SYNDIG1: variants seen among roughly 807,000 people sequenced by gnomAD.
The protein encoded by SYNDIG1 is synapse differentiation-inducing gene protein 1.
SYNDIG1 carries 9 observed loss-of-function variants against 19.4 expected under a neutral mutation model. The ratio of observed to expected loss-of-function variants is 0.46; its 90% confidence interval spans 0.28 to 0.81. The LOEUF (loss-of-function observed/expected upper bound fraction) is 0.81, where lower values mean the gene tolerates loss of function less well. Among genes scored for constraint, SYNDIG1 ranks in the 30% least tolerant of loss-of-function variants. The pLI is 0.12. For synonymous variants in SYNDIG1, 141 were observed against 145.9 expected, an observed-to-expected ratio of 0.97 and a Z score of 0.24; for missense variants, 311 against 343.3, an observed-to-expected ratio of 0.91 and a Z score of 0.74.
chr20:24,512,178 T>A (rs969244381), intron 1 of SYNDIG1, among the ~76,000 whole-genome samples: 4 of 136,316 alleles, frequency 2.9e-5, no homozygotes, highest in Non-Finnish European at 6.1e-5. Context: ...GATGGCCGAA[T>A]AGGAACAGCT....
intron 1 of SYNDIG1, among the ~76,000 whole-genome samples, chr20:24,510,732 T>C (rs1003029047): frequency 2.0e-5 from 3 of 152,180 alleles, no homozygotes; most frequent in Non-Finnish European, 4.4e-5. Flanking sequence ...TTCTGAGAAA[T>C]TCTCAGATAT....
intron 1 of SYNDIG1, among the ~76,000 whole-genome samples, chr20:24,488,543 C>T (rs978649402): frequency 6.6e-6 from 1 of 152,250 alleles, no homozygotes; most frequent in Non-Finnish European, 1.5e-5. Context: ...TCTGCAGGCT[C>T]CAGGCACAAA....
intron 2 of SYNDIG1, among the ~76,000 whole-genome samples, chr20:24,560,081 TTTTTTTTTTTG>T (rs1568642055): frequency 1.1e-5 from 1 of 93,474 alleles, no homozygotes; most frequent in African/African-American, 3.8e-5. Flanking sequence ...TTTTTTTTTT[TTTTTTTTTTTG>T]CAGTCTCACT....
chr20:24,570,843 A>T (rs1476093976), intron 2 of SYNDIG1, among the ~76,000 whole-genome samples: 1 of 152,218 alleles, frequency 6.6e-6, no homozygotes, highest in East Asian at 1.9e-4. Context: ...TATGTCTATA[A>T]CATGTATTTC....
chr20:24,510,891 G>A (rs1166378201), intron 1 of SYNDIG1, among the ~76,000 whole-genome samples: 1 of 152,050 alleles, frequency 6.6e-6, no homozygotes, highest in Non-Finnish European at 1.5e-5. Context: ...TCCATATTAT[G>A]CTGAATTCTA....
intron 2 of SYNDIG1, among the ~76,000 whole-genome samples, chr20:24,570,259 T>A (rs1297193407): frequency 6.6e-6 from 1 of 152,182 alleles, no homozygotes; most frequent in African/African-American, 2.4e-5. Flanking sequence ...TTCTTAGCTA[T>A]GACATCAGAA....
intron 1 of SYNDIG1, among the ~76,000 whole-genome samples, chr20:24,518,732 G>T (rs542161514): frequency 1.3e-5 from 2 of 152,176 alleles, no homozygotes; most frequent in Admixed American, 1.3e-4. Flanking sequence ...CACAGAGGAC[G>T]TATCTCCATA....
intron 3 of SYNDIG1, among the ~76,000 whole-genome samples, chr20:24,613,124 C>A (rs2058875456): frequency 6.6e-6 from 1 of 152,178 alleles, no homozygotes; most frequent in South Asian, 2.1e-4. Flanking sequence ...CTAGAAGATA[C>A]CAGACCTCCC....
At chr20:24,626,803 C>T (rs1410201674) in intron 3 of SYNDIG1, among the ~76,000 whole-genome samples, 1 of 150,520 alleles carries the variant, frequency 6.6e-6, no homozygotes, top group Non-Finnish European at 1.5e-5. Context: ...ACTGAGTTAA[C>T]GAGACTCCGT....
intron 1 of SYNDIG1, among the ~76,000 whole-genome samples, chr20:24,505,724 G>T (rs182033800): frequency 6.6e-6 from 1 of 152,324 alleles, no homozygotes; most frequent in Non-Finnish European, 1.5e-5. Context: ...CTGGACATCA[G>T]GGCACAGTGG....
intron 2 of SYNDIG1, among the ~76,000 whole-genome samples, chr20:24,550,198 A>G (rs960515871): frequency 3.3e-5 from 5 of 152,204 alleles, no homozygotes; most frequent in Non-Finnish European, 2.9e-5. Flanking sequence ...TCAGTGTACA[A>G]CTACCCCATT....
At chr20:24,576,774 TCTC>T (rs2058234923) in intron 2 of SYNDIG1, among the ~76,000 whole-genome samples, 1 of 151,788 alleles carries the variant, frequency 6.6e-6, no homozygotes, top group Non-Finnish European at 1.5e-5. Flanking sequence ...TGGCCCCCTG[TCTC>T]CTCCTCCCCA....
chr20:24,590,023 C>T (rs2058481085), intron 3 of SYNDIG1, among the ~76,000 whole-genome samples: 1 of 152,244 alleles, frequency 6.6e-6, no homozygotes, highest in Admixed American at 6.5e-5. Flanking sequence ...TCGTCGCCTG[C>T]CTCTCTTCCT....
intron 1 of SYNDIG1, among the ~76,000 whole-genome samples, chr20:24,536,969 G>GTCCACACCACCAGGGCTTA (rs1311691253): frequency 2.6e-5 from 4 of 152,132 alleles, no homozygotes; most frequent in Non-Finnish European, 5.9e-5. Context: ...TCTGTCAGTT[G>GTCCACACCACCAGGGCTTA]TCCACACCAC....
intron 3 of SYNDIG1, among the ~76,000 whole-genome samples, chr20:24,625,182 G>C (rs575769281): frequency 2.6e-5 from 4 of 152,194 alleles, no homozygotes; most frequent in Non-Finnish European, 5.9e-5. Flanking sequence ...TACAATTAGA[G>C]AAGAAATGAA....
chr20:24,615,776 T>G (rs1033511478), intron 3 of SYNDIG1, among the ~76,000 whole-genome samples: 3 of 152,174 alleles, frequency 2.0e-5, no homozygotes, highest in Admixed American at 6.5e-5. Flanking sequence ...GTTCTTAATG[T>G]CCTCCTGCAG....
At chr20:24,576,908 T>C (rs1304842778) in intron 2 of SYNDIG1, among the ~76,000 whole-genome samples, 2 of 152,156 alleles carry the variant, frequency 1.3e-5, no homozygotes, top group Non-Finnish European at 2.9e-5. Flanking sequence ...CCCATCCAAA[T>C]GTAACAACCT....
At chr20:24,511,546 T>C (rs1358811484) in intron 1 of SYNDIG1, among the ~76,000 whole-genome samples, 2 of 152,108 alleles carry the variant, frequency 1.3e-5, no homozygotes, top group African/African-American at 2.4e-5. Context: ...TCCACTCCCT[T>C]CTTGAGGGGA....
At chr20:24,545,327 C>T (rs1451663849) in intron 2 of SYNDIG1, among the ~76,000 whole-genome samples, 14 of 152,168 alleles carry the variant, frequency 9.2e-5, no homozygotes, top group Non-Finnish European at 1.5e-5. Context: ...AGGGCACTCA[C>T]GCTGCAGCTG....
Sources: gnomAD v4.1 joint callset for allele counts (sites outside exome capture counted in the v4.1 genomes callset) on GRCh38, gnomAD v4.1.1 for gene constraint, MANE v1.5 for transcripts, NCBI Gene and HGNC (gene_info 2026-07-23, HGNC 2026-07-21) for gene names.